The following SH3TC2 variants were observed in gnomAD, a reference collection of about 807,000 sequenced individuals.
SH3TC2 encodes SH3 domain and tetratricopeptide repeats 2, also known as SH3 domain and tetratricopeptide repeat-containing protein 2.
Under a neutral mutation model 124.5 loss-of-function variants are expected in SH3TC2, and 87 were observed. The ratio of observed to expected loss-of-function variants is 0.70; its 90% confidence interval spans 0.59 to 0.84. SH3TC2 has a LOEUF of 0.84. Among genes scored for constraint, SH3TC2 ranks in the 40% least tolerant of loss-of-function variants. SH3TC2 has a pLI of 0.00. For synonymous variants in SH3TC2, 634 were observed against 628.5 expected, an observed-to-expected ratio of 1.01 and a Z score of -0.13; for missense variants, 1,536 against 1,566.4, an observed-to-expected ratio of 0.98 and a Z score of 0.33.
At chr5:149,009,651 G>A (rs1753751631) in intron 14 of SH3TC2, among the ~76,000 whole-genome samples, 1 of 152,040 alleles carries the variant, frequency 6.6e-6, no homozygotes, top group Non-Finnish European at 1.5e-5. Flanking sequence ...TAGATAATGA[G>A]GCTTCCTAAA....
At chr5:149,008,708 T>A in intron 15 of SH3TC2, 143 bp downstream of exon 15, 1 of 1,191,320 alleles carries the variant, frequency 8.4e-7, no homozygotes, top group South Asian at 1.2e-5. Flanking sequence ...AGCAACTTGC[T>A]TAACTAAGGT....
At chr5:149,012,485 T>C (rs907019864) in intron 13 of SH3TC2, 99 bp downstream of exon 13, 2 of 1,464,774 alleles carry the variant, frequency 1.4e-6, no homozygotes, top group African/African-American at 2.8e-5. Context: ...AGGGTGAACA[T>C]CATCCCTCTC....
intron 15 of SH3TC2, 132 bp downstream of exon 15, chr5:149,008,719 C>G (rs1334844419): frequency 5.4e-6 from 7 of 1,293,236 alleles, no homozygotes; most frequent in Middle Eastern, 2.6e-4. Flanking sequence ...TAACTAAGGT[C>G]TCTCTGACAG....
rs1279608776 is a variant in SH3TC2 at position 149,040,752 on chromosome 5, A to G, written c.732-75T>C. 4.2e-6 allele frequency: 5 copies of G among 1,202,910 alleles called. No individual in the cohort carries two copies. The Admixed American group carries it at 6.8e-5, about 16-fold the overall frequency. 74.5% of individuals were successfully genotyped at this position (1,202,910 alleles called of 1,614,324 possible). A position where few individuals can be genotyped will look rare whatever the true frequency, so the allele number is the denominator to read the frequency against. ...ACAATGAACAGAACAGTCTATCAGA[A>G]TAATGATGATGATGATGAGTATTGT... On this transcript the variant is annotated intron_variant, in intron 6 of 16. Coordinates refer to ENST00000515425, the MANE Select transcript of SH3TC2 (RefSeq NM_024577.4).
chr5:148,997,287 T>G lies in SH3TC2; in HGVS notation c.*7424A>C, dbSNP rs1753527289. ...TTGGCTCTGGAGTCTCTTGCAAGTTTCCCTCATTCACCTCACTCCCAACCT... is the reference window on the plus strand; with the variant it reads ...TTGGCTCTGGAGTCTCTTGCAAGTTGCCCTCATTCACCTCACTCCCAACCT... On this transcript the variant is annotated 3_prime_UTR_variant, in exon 17 of 17. Coordinates refer to ENST00000515425, the MANE Select transcript of SH3TC2 (RefSeq NM_024577.4). Among the ~76,000 whole-genome samples the G allele has an allele frequency of 6.6e-6, 1 of 152,214 alleles. No individual in the cohort carries two copies.
chr5:149,032,734 A>G (rs1159591148), intron 8 of SH3TC2, among the ~76,000 whole-genome samples: 3 of 152,196 alleles, frequency 2.0e-5, no homozygotes, highest in African/African-American at 7.2e-5. Flanking sequence ...CTCTAATTAA[A>G]GCAGTGTTCA....
At chr5:149,041,098 C>A (rs1389857483) in intron 6 of SH3TC2, among the ~76,000 whole-genome samples, 1 of 152,156 alleles carries the variant, frequency 6.6e-6, no homozygotes, top group Non-Finnish European at 1.5e-5. Context: ...CTAGACTCAA[C>A]CCCAAGAAAG....
intron 1 of SH3TC2, among the ~76,000 whole-genome samples, chr5:149,055,551 CCTAGAATATACTGCAA>C (rs1754631589): frequency 6.6e-6 from 1 of 151,502 alleles, no homozygotes; most frequent in South Asian, 2.1e-4. Context: ...AAGTAGAATA[CCTAGAATATACTGCAA>C]CTAGAATATA....
intron 16 of SH3TC2, among the ~76,000 whole-genome samples, chr5:149,005,929 G>A (rs1239969907): frequency 6.6e-6 from 1 of 152,136 alleles, no homozygotes; most frequent in African/African-American, 2.4e-5. Context: ...TTGTAACAGA[G>A]ATTTGCAACC....
intron 12 of SH3TC2, among the ~76,000 whole-genome samples, chr5:149,013,530 G>C (rs1753819868): frequency 6.6e-6 from 1 of 152,194 alleles, no homozygotes; most frequent in South Asian, 2.1e-4. Flanking sequence ...CCTATTGAGT[G>C]AATGCATGAA....
chr5:149,051,513 G>C (rs1450856042), intron 2 of SH3TC2, among the ~76,000 whole-genome samples: 1 of 152,126 alleles, frequency 6.6e-6, no homozygotes, highest in East Asian at 1.9e-4. Context: ...GTGCAATGGT[G>C]CAATTACAGC....
intron 13 of SH3TC2, among the ~76,000 whole-genome samples, chr5:149,010,693 A>T (rs1753770080): frequency 6.6e-6 from 1 of 152,344 alleles, no homozygotes; most frequent in South Asian, 2.1e-4. Context: ...TAGAAAAAAA[A>T]AACTAATAAT....
At position 149,000,932 on chromosome 5, in the gene SH3TC2, C is replaced by T. The variant is rs565703817; in HGVS notation, c.*3779G>A. ...TATAAAAATAGCACTGCTGAAAAACCCAGAGGTGAGGTTCTTTTATCAGAG... is the reference window on the plus strand; with the variant it reads ...TATAAAAATAGCACTGCTGAAAAACTCAGAGGTGAGGTTCTTTTATCAGAG... On this transcript the variant is annotated 3_prime_UTR_variant, in exon 17 of 17. Coordinates refer to ENST00000515425, the MANE Select transcript of SH3TC2 (RefSeq NM_024577.4). Among the ~76,000 whole-genome samples the T allele has an allele frequency of 2.0e-5, 3 of 152,074 alleles. No homozygotes were observed. The highest frequency in any genetic ancestry group is 4.4e-5 in the Non-Finnish European group (3 of 68,006).
chr5:149,032,580 G>T (rs557779537), intron 8 of SH3TC2, among the ~76,000 whole-genome samples: 4 of 152,278 alleles, frequency 2.6e-5, no homozygotes, highest in African/African-American at 9.6e-5. Context: ...GTGGTATGAA[G>T]AACCAGATAC....
intron 1 of SH3TC2, among the ~76,000 whole-genome samples, chr5:149,054,428 G>A (rs368633185): frequency 6.6e-6 from 1 of 152,174 alleles, no homozygotes; most frequent in South Asian, 2.1e-4. Context: ...TGAAAGCTGA[G>A]GTTCTGCATT....
intron 1 of SH3TC2, among the ~76,000 whole-genome samples, chr5:149,060,234 A>T (rs1260253341): frequency 2.6e-5 from 4 of 152,244 alleles, no homozygotes; most frequent in African/African-American, 9.6e-5. Flanking sequence ...TTGATCAACA[A>T]ACTTTGACAT....
rs1318717828 is a variant in SH3TC2, at chr5:149,031,637, G to C, written c.1052C>G (p.Ala351Gly). 2.5e-6 allele frequency: 4 copies of C among 1,614,084 alleles called. No homozygotes were observed. Among genetic ancestry groups the C allele is most frequent in the Non-Finnish European group, 8.5e-7 (1 of 1,180,024 alleles). Residue 351 changes from alanine (A) to glycine (G), a missense_variant, in exon 9 of 17, where the codon GCC becomes GGC. Physicochemically the swap from Ala to Gly is moderately conservative, Grantham distance 60. This residue lies in a region of SH3TC2 where 1,102 missense variants were observed against 1,098.6 expected (regional missense o/e 1.00). Transcript: ENST00000515425. ...LSDEERCSLL[A>G]LGSDKQTECS... ...CTCAGTCTGCTTATCACTTCCCAGGGCCAACAGGGAGCATCTCTCCTCATC... is the reference window on the plus strand; with the variant it reads ...CTCAGTCTGCTTATCACTTCCCAGGCCCAACAGGGAGCATCTCTCCTCATC...
Position 149,027,893 on chromosome 5 carries a change from G to C in SH3TC2, c.1839C>G (p.Leu613=). Residue 613 remains leucine, a synonymous_variant, in exon 11 of 17, where the codon CTC becomes CTG. Coordinates refer to ENST00000515425, the MANE Select transcript of SH3TC2 (RefSeq NM_024577.4). ...GGCGCAGCACGTAGGCCACCACGTC[G>C]AGTTCATGCTTGGCACTAGACTCAC... ...PDRESSAKHE[L]DVVAYVLRQG... is the part of the protein sequence containing the mutation. 3 of 1,613,924 alleles carry C rather than the reference G, an allele frequency of 1.9e-6. No individual in the cohort carries two copies. Among genetic ancestry groups the C allele is most frequent in the Non-Finnish European group, 2.5e-6 (3 of 1,180,022 alleles).
At position 149,047,976 on chromosome 5, in the gene SH3TC2, G is replaced by A. The variant is rs765890736; in HGVS notation, c.165C>T (p.Ser55=). 5 of 1,613,972 alleles carry A rather than the reference G, an allele frequency of 3.1e-6. No homozygotes were observed. In the Admixed American group the frequency reaches 8.3e-5, roughly 27 times the overall value. ...PQNINPDLTL[S]FCVKSRSRRC... Reference sequence around the variant, plus strand: ...TCCTGGAGCGGCTCTTTACACAGAAGGAGAGTGTCAGGTCTTAAAGAGAAC... The same window carrying A: ...TCCTGGAGCGGCTCTTTACACAGAAAGAGAGTGTCAGGTCTTAAAGAGAAC... The change falls in exon 3 of 17, where the codon TCC becomes TCT. Residue 55 remains serine, a synonymous_variant. Coordinates refer to ENST00000515425, the MANE Select transcript of SH3TC2 (RefSeq NM_024577.4).
Sources: allele counts gnomAD v4.1 joint callset (sites outside exome capture counted in the v4.1 genomes callset), GRCh38; gene constraint gnomAD v4.1.1; regional missense constraint gnomAD v4.1.1; transcripts MANE v1.5; gene names NCBI Gene and HGNC (gene_info 2026-07-23, HGNC 2026-07-21).